GSK3B: variants seen among roughly 807,000 people sequenced by gnomAD.
The protein encoded by GSK3B is glycogen synthase kinase-3 beta.
A neutral mutation model predicts 56.4 loss-of-function variants in GSK3B; 15 were observed. The ratio of observed to expected loss-of-function variants is 0.27; its 90% CI spans 0.18 to 0.41. GSK3B has a LOEUF of 0.41. Among genes scored for constraint, GSK3B ranks in the 10% least tolerant of loss-of-function variants. GSK3B has a pLI of 1.00. For synonymous variants in GSK3B, 181 were observed against 188.9 expected, an observed-to-expected ratio of 0.96 and a Z score of 0.34; for missense variants, 300 against 513.4, an observed-to-expected ratio of 0.58 and a Z score of 4.02.
intron 9 of GSK3B, among the ~76,000 whole-genome samples, chr3:119,851,124 T>A (rs1032463470): frequency 6.6e-6 from 1 of 152,212 alleles, no homozygotes; most frequent in African/African-American, 2.4e-5. Flanking sequence ...GCATCAATAA[T>A]TATGTGTTCC....
chr3:119,821,848 TA>T lies in GSK3B; in HGVS notation c.*4939del, dbSNP rs1366175743. The T allele has an allele frequency of 5.9e-6, 1 of 170,842 alleles. No homozygotes were observed. Among genetic ancestry groups the T allele is most frequent in the African/African-American group, 2.4e-5 (1 of 42,078 alleles). 10.6% of individuals were successfully genotyped at this position (170,842 alleles called of 1,614,324 possible). ...TGTATAACAAAGATTAATGTTTCCC[TA>T]ATTAGAGGAATGGAAATGGTGATGT... On this transcript the variant is annotated 3_prime_UTR_variant, in exon 11 of 11. Transcript: ENST00000264235.
chr3:120,076,108 G>A (rs894337312), intron 1 of GSK3B, among the ~76,000 whole-genome samples: 2 of 151,892 alleles, frequency 1.3e-5, no homozygotes, highest in African/African-American at 4.8e-5. Context: ...AAGGCACCAA[G>A]ACAACACAAT....
At chr3:120,089,667 T>C (rs1192732828) in intron 1 of GSK3B, among the ~76,000 whole-genome samples, 1 of 152,206 alleles carries the variant, frequency 6.6e-6, no homozygotes, top group Non-Finnish European at 1.5e-5. Context: ...AATCTTATAT[T>C]TAAGTATTAA....
chr3:119,908,652 CATACAT>C (rs2056706267), intron 6 of GSK3B, among the ~76,000 whole-genome samples: 3 of 152,222 alleles, frequency 2.0e-5, no homozygotes, highest in African/African-American at 7.2e-5. Context: ...ATTACATACA[CATACAT>C]ATACACATTA....
intron 1 of GSK3B, among the ~76,000 whole-genome samples, chr3:120,033,728 GT>G (rs1409481013): frequency 3.3e-5 from 5 of 152,084 alleles, no homozygotes; most frequent in African/African-American, 1.2e-4. Context: ...GTGATAGTGA[GT>G]TCTCACGAGA....
chr3:119,875,145 C>T lies in GSK3B; in HGVS notation c.909+1268G>A, dbSNP rs115843653. Among the ~76,000 whole-genome samples, 641 of 152,102 alleles carry T rather than the reference C, an allele frequency of 4.2e-3. 1 individual carries two copies. The highest frequency in any genetic ancestry group is 0.015 in the African/African-American group (605 of 41,512). ...GGCCAGGTTGTAGTAAAAGTTACAACCTATAATTCTGGCACTAAAATACTA... is the reference window on the plus strand; with the variant it reads ...GGCCAGGTTGTAGTAAAAGTTACAATCTATAATTCTGGCACTAAAATACTA... On this transcript the variant is annotated intron_variant, in intron 8 of 10. Transcript: ENST00000264235.
chr3:119,837,943 C>CAT (rs10574860), intron 10 of GSK3B, among the ~76,000 whole-genome samples: 2,664 of 138,532 alleles, frequency 0.019, 37 homozygotes, highest in Non-Finnish European at 0.027. Context: ...TGACCATTCA[C>CAT]ATATATATAT....
At chr3:119,904,264 G>A (rs1036261505) in intron 7 of GSK3B, among the ~76,000 whole-genome samples, 4 of 152,186 alleles carry the variant, frequency 2.6e-5, no homozygotes, top group African/African-American at 9.6e-5. Context: ...GCCAAGCTCC[G>A]TATTCAAGCA....
At chr3:119,904,138 A>G (rs2056657581) in intron 7 of GSK3B, among the ~76,000 whole-genome samples, 1 of 151,204 alleles carries the variant, frequency 6.6e-6, no homozygotes, top group Non-Finnish European at 1.5e-5. Flanking sequence ...CAATAAAAAA[A>G]TTTGTGAAAA....
chr3:120,048,576 T>C (rs2058122548), intron 1 of GSK3B, among the ~76,000 whole-genome samples: 1 of 152,220 alleles, frequency 6.6e-6, no homozygotes, highest in African/African-American at 2.4e-5. Flanking sequence ...TGGGTTGTTA[T>C]GAAGACTAAA....
In GSK3B at chr3:119,822,759, T is replaced by G. The variant is rs2055433060; in HGVS notation, c.*4029A>C. The G allele has an allele frequency of 4.4e-6, 1 of 228,296 alleles. No individual in the cohort carries two copies. The highest frequency in any genetic ancestry group is 2.2e-5 in the African/African-American group (1 of 45,062). 14.1% of individuals were successfully genotyped at this position (228,296 alleles called of 1,614,324 possible). A position where few individuals can be genotyped will look rare whatever the true frequency, so the allele number is the denominator to read the frequency against. On this transcript the variant is annotated 3_prime_UTR_variant, in exon 11 of 11. Transcript: ENST00000264235. The stretch of plus-strand genomic sequence containing the variant: ...GGAGAAAAGTGTTTGGCTCTGTGAT[T>G]AGATGATCACTAACATGAACAGTAG...
chr3:119,991,119 T>C (rs927449469), intron 2 of GSK3B, among the ~76,000 whole-genome samples: 3 of 152,156 alleles, frequency 2.0e-5, no homozygotes, highest in African/African-American at 7.2e-5. Flanking sequence ...AGATCACTAA[T>C]AAACATGCAA....
At chr3:119,983,217 G>A (rs2057481604) in intron 2 of GSK3B, among the ~76,000 whole-genome samples, 1 of 152,118 alleles carries the variant, frequency 6.6e-6, no homozygotes, top group African/African-American at 2.4e-5. Context: ...ACTAAACATG[G>A]AAAGGAACAA....
chr3:119,925,087 G>T (rs2056877888), intron 3 of GSK3B, among the ~76,000 whole-genome samples: 1 of 152,182 alleles, frequency 6.6e-6, no homozygotes, highest in South Asian at 2.1e-4. Flanking sequence ...CCAGCATTTT[G>T]GGAGGCTGAG....
chr3:119,939,911 T>C (rs1184133267), intron 3 of GSK3B, among the ~76,000 whole-genome samples: 1 of 151,812 alleles, frequency 6.6e-6, no homozygotes, highest in Non-Finnish European at 1.5e-5. Context: ...AAGATAAACA[T>C]TAGAGAGTCA....
intron 4 of GSK3B, among the ~76,000 whole-genome samples, chr3:119,922,273 GGA>G (rs1235182849): frequency 2.1e-5 from 3 of 144,770 alleles, no homozygotes; most frequent in Admixed American, 7.0e-5. Context: ...AAGGAAGGAA[GGA>G]AGGGAGGAGG....
At chr3:119,976,765 CAAAAA>C (rs563133631) in intron 2 of GSK3B, among the ~76,000 whole-genome samples, 2,492 of 83,098 alleles carry the variant, frequency 0.03, 69 homozygotes, top group African/African-American at 0.085. Context: ...CCACTCCCCA[CAAAAA>C]AAAAAAAAAA....
At chr3:119,908,681 C>T (rs1164425238) in intron 6 of GSK3B, among the ~76,000 whole-genome samples, 2 of 152,174 alleles carry the variant, frequency 1.3e-5, no homozygotes, top group Non-Finnish European at 2.9e-5. Flanking sequence ...ATGCTCTCTA[C>T]CCTCTGGTAA....
intron 1 of GSK3B, among the ~76,000 whole-genome samples, chr3:120,092,692 A>C (rs2058523539): frequency 6.6e-6 from 1 of 152,262 alleles, no homozygotes; most frequent in Non-Finnish European, 1.5e-5. Flanking sequence ...AATTGAACAC[A>C]AATGCATACA....
Sources: allele counts gnomAD v4.1 joint callset (sites outside exome capture counted in the v4.1 genomes callset), GRCh38; gene constraint gnomAD v4.1.1; transcripts MANE v1.5; gene names NCBI Gene and HGNC (gene_info 2026-07-23, HGNC 2026-07-21).